ABI1: variants seen among roughly 807,000 people sequenced by gnomAD.
ABI1 encodes the protein Abelson interactor 1.
Under a neutral mutation model 54.6 loss-of-function variants are expected in ABI1, and 14 were observed. The observed-to-expected ratio is 0.26, with a 90% CI of 0.17 to 0.40. The LOEUF (loss-of-function observed/expected upper bound fraction) is 0.40, where lower values mean the gene tolerates loss of function less well. ABI1 is among the 10% of genes least tolerant of loss of function. The pLI is 1.00. For synonymous variants in ABI1, 194 were observed against 209.3 expected, an observed-to-expected ratio of 0.93 and a Z score of 0.63; for missense variants, 443 against 598.3, an observed-to-expected ratio of 0.74 and a Z score of 2.71.
intron 2 of ABI1, among the ~76,000 whole-genome samples, chr10:26,807,067 T>A (rs929893176): frequency 6.6e-6 from 1 of 152,206 alleles, no homozygotes; most frequent in African/African-American, 2.4e-5. Context: ...ATGTGGTAAA[T>A]GATACCTTAC....
intron 1 of ABI1, among the ~76,000 whole-genome samples, chr10:26,824,518 C>CTAT (rs2048183960): frequency 6.6e-6 from 1 of 151,764 alleles, no homozygotes; most frequent in Admixed American, 6.6e-5. Context: ...TATCTCCACA[C>CTAT]AATAGAGTAT....
At chr10:26,787,478 T>C (rs1842847622) in intron 2 of ABI1, among the ~76,000 whole-genome samples, 1 of 152,042 alleles carries the variant, frequency 6.6e-6, no homozygotes, top group East Asian at 1.9e-4. Context: ...ACTTGAAAAA[T>C]TCTACTCTGG....
At chr10:26,781,533 G>A (rs992480765) in intron 2 of ABI1, among the ~76,000 whole-genome samples, 38 of 152,340 alleles carry the variant, frequency 2.5e-4, no homozygotes, top group Admixed American at 2.0e-4. Context: ...AAACTCCAGT[G>A]CCCATGATAC....
At chr10:26,833,914 C>T (rs900524037) in intron 1 of ABI1, among the ~76,000 whole-genome samples, 3 of 152,100 alleles carry the variant, frequency 2.0e-5, no homozygotes, top group African/African-American at 7.2e-5. Flanking sequence ...ATCTAAATAG[C>T]CAATGACAAA....
At chr10:26,770,915 T>C (rs999675805) in intron 4 of ABI1, among the ~76,000 whole-genome samples, 160 bp downstream of exon 4, 14 of 152,228 alleles carry the variant, frequency 9.2e-5, no homozygotes, top group African/African-American at 3.4e-4. Flanking sequence ...CCAAGCTAAA[T>C]GTTGCTTATT....
intron 10 of ABI1, among the ~76,000 whole-genome samples, chr10:26,750,435 A>T (rs1837473753): frequency 6.6e-6 from 1 of 152,214 alleles, no homozygotes; most frequent in African/African-American, 2.4e-5. Context: ...CGGAAGTTGC[A>T]GTGAGCCGAG....
intron 2 of ABI1, among the ~76,000 whole-genome samples, chr10:26,788,761 A>T (rs149392450): frequency 0.021 from 3,241 of 152,012 alleles, 226 homozygotes; most frequent in East Asian, 0.2. Context: ...AAATACAAAA[A>T]ATTAGCTGGG....
At chr10:26,821,373 A>G (rs760305961) in intron 2 of ABI1, among the ~76,000 whole-genome samples, 189 of 152,282 alleles carry the variant, frequency 1.2e-3, no homozygotes, top group Middle Eastern at 3.4e-3. Flanking sequence ...AATAAGGCCA[A>G]AGATGTTTTT....
At chr10:26,755,447 T>C (rs1838178309) in intron 9 of ABI1, among the ~76,000 whole-genome samples, 1 of 152,148 alleles carries the variant, frequency 6.6e-6, no homozygotes, top group East Asian at 1.9e-4. Flanking sequence ...ATAAGAAAAT[T>C]GCAGCTTTGA....
chr10:26,821,667 C>T (rs996528801), intron 2 of ABI1, among the ~76,000 whole-genome samples: 4 of 151,936 alleles, frequency 2.6e-5, no homozygotes, highest in African/African-American at 9.7e-5. Context: ...GGCGTGGTGG[C>T]GAGCGCCTGT....
intron 1 of ABI1, among the ~76,000 whole-genome samples, chr10:26,857,712 C>G (rs982823723): frequency 6.7e-6 from 1 of 149,238 alleles, no homozygotes; most frequent in Non-Finnish European, 1.5e-5. Context: ...AAAACCCTGT[C>G]CTTGCATATA....
intron 1 of ABI1, among the ~76,000 whole-genome samples, chr10:26,844,309 T>C (rs1478680935): frequency 6.6e-6 from 1 of 152,190 alleles, no homozygotes; most frequent in Non-Finnish European, 1.5e-5. Context: ...AACACTACTG[T>C]TCCTTAGAAT....
intron 1 of ABI1, among the ~76,000 whole-genome samples, chr10:26,849,554 C>A (rs1041229180): frequency 2.0e-5 from 3 of 152,176 alleles, no homozygotes; most frequent in Admixed American, 2.0e-4. Flanking sequence ...TCATGGAACA[C>A]CATTATTACT....
At chr10:26,813,206 G>A (rs966846855) in intron 2 of ABI1, among the ~76,000 whole-genome samples, 14 of 151,032 alleles carry the variant, frequency 9.3e-5, no homozygotes, top group Admixed American at 7.9e-4. Flanking sequence ...TCAAGATCAC[G>A]ACACTGCACT....
chr10:26,854,496 T>C (rs954056673), intron 1 of ABI1, among the ~76,000 whole-genome samples: 6 of 151,334 alleles, frequency 4.0e-5, no homozygotes, highest in Non-Finnish European at 8.8e-5. Context: ...ACTGATATGC[T>C]AGGTCAGATC....
At position 26,801,336 on chromosome 10, in the gene ABI1, C is replaced by T. The variant is rs1324938707; in HGVS notation, c.285+21802G>A. ...CCAAGGCAGGCGGATCACTTGAGCTCACAAGTTTGAGACCAGCCTGGGCAA... is the reference window on the plus strand; with the variant it reads ...CCAAGGCAGGCGGATCACTTGAGCTTACAAGTTTGAGACCAGCCTGGGCAA... On this transcript the variant is annotated intron_variant, in intron 2 of 10. Transcript: ENST00000376140. 2.0e-5 allele frequency among the ~76,000 whole-genome samples: 3 copies of T among 152,030 alleles called. No homozygotes were observed. In the East Asian group the frequency reaches 5.8e-4, roughly 29 times the overall value.
intron 1 of ABI1, among the ~76,000 whole-genome samples, chr10:26,833,292 T>C (rs1205704880): frequency 6.6e-6 from 1 of 152,194 alleles, no homozygotes; most frequent in Non-Finnish European, 1.5e-5. Context: ...GAATTCCAAG[T>C]TTAACTATAA....
At chr10:26,820,432 T>G (rs1222300104) in intron 2 of ABI1, among the ~76,000 whole-genome samples, 1 of 151,968 alleles carries the variant, frequency 6.6e-6, no homozygotes, top group African/African-American at 2.4e-5. Flanking sequence ...ACAGCAGAAA[T>G]ATCCTTGCAA....
chr10:26,765,289 T>G lies in ABI1; in HGVS notation c.749A>C (p.Glu250Ala). 6.3e-7 allele frequency: 1 copy of G among 1,592,244 alleles called. No homozygotes were observed. Among genetic ancestry groups the G allele is most frequent in the Non-Finnish European group, 8.5e-7 (1 of 1,174,296 alleles). The change falls in exon 7 of 11, where the codon GAA (glutamate) becomes GCA (alanine). Residue 250 changes from glutamate to alanine, a missense_variant. Coordinates refer to ENST00000376140, the MANE Select transcript of ABI1 (RefSeq NM_001012750.3). ...SGSSGGSGSRENSGSSSIGIP... is the reference protein window; with the variant it reads ...SGSSGGSGSRANSGSSSIGIP... ...GCCAATACTACTGCTACCACTGTTTTCTCGACTTCCACTTCCTCCACTACT... is the reference window on the plus strand; with the variant it reads ...GCCAATACTACTGCTACCACTGTTTGCTCGACTTCCACTTCCTCCACTACT...
Sources: allele counts gnomAD v4.1 joint callset (sites outside exome capture counted in the v4.1 genomes callset), GRCh38; gene constraint gnomAD v4.1.1; transcripts MANE v1.5; gene names NCBI Gene and HGNC (gene_info 2026-07-23, HGNC 2026-07-21).